Variants in LAMB1 observed in about 807,000 individuals in gnomAD.
LAMB1 encodes the protein laminin subunit beta-1.
In LAMB1, 121 loss-of-function variants were observed where a neutral mutation model predicts 222.3. That is an observed-to-expected ratio of 0.54 (90% CI 0.47 to 0.63). The LOEUF is 0.63. Ranked by LOEUF, LAMB1 falls within the 30% of genes least tolerant of loss-of-function variation. The probability of loss-of-function intolerance (pLI) is 0.00; values close to 1 mark genes in which losing one functional copy is unlikely to be tolerated. For synonymous variants in LAMB1, 794 were observed against 807.2 expected (o/e 0.98, Z 0.28); for missense variants, 2,172 against 2,240.8 (o/e 0.97, Z 0.62).
At position 107,986,032 on chromosome 7, in the gene LAMB1, T is replaced by G. The variant is rs2034070069; in HGVS notation, c.666A>C (p.Pro222=). ...TGAAAATGAACTTACTCTGTATCCT[T>G]GGGCTATAAGGATCTTCTATTTTGA... is the stretch of plus-strand genomic sequence containing the variant. ...PAFKIEDPYS[P]RIQNLLKITN... Residue 222 remains proline, a synonymous_variant, in exon 7 of 34, where the codon CCA becomes CCC. Coordinates refer to ENST00000222399, the MANE Select transcript of LAMB1 (RefSeq NM_002291.3). 6.2e-7 allele frequency: 1 copy of G among 1,607,692 alleles called. No homozygotes were observed. Among genetic ancestry groups the G allele is most frequent in the Non-Finnish European group, 8.5e-7 (1 of 1,174,150 alleles).
chr7:107,978,445 TACTTAA>T (rs1402143595), intron 8 of LAMB1, among the ~76,000 whole-genome samples: 1 of 145,006 alleles, frequency 6.9e-6, no homozygotes, highest in East Asian at 2.0e-4. Flanking sequence ...TGAAGAAAAT[TACTTAA>T]AATTAAAAAA....
intron 7 of LAMB1, among the ~76,000 whole-genome samples, chr7:107,984,864 A>G (rs2034043306): frequency 6.6e-6 from 1 of 152,130 alleles, no homozygotes; most frequent in Non-Finnish European, 1.5e-5. Context: ...TATGGGATAT[A>G]GTTATGCTAA....
intron 31 of LAMB1, among the ~76,000 whole-genome samples, chr7:107,927,095 G>T (rs569719332): frequency 6.6e-6 from 1 of 152,250 alleles, no homozygotes; most frequent in East Asian, 1.9e-4. Context: ...TCAAGGATGG[G>T]TCTAATTACA....
At chr7:108,001,513 G>A in intron 3 of LAMB1, 45 bp downstream of exon 3, 1 of 1,531,118 alleles carries the variant, frequency 6.5e-7, no homozygotes, top group Non-Finnish European at 8.8e-7. Context: ...GGTCTGGACG[G>A]GAGGAGGCGC....
intron 4 of LAMB1, among the ~76,000 whole-genome samples, chr7:107,996,985 A>AT (rs1174296406): frequency 6.6e-6 from 1 of 152,232 alleles, no homozygotes; most frequent in East Asian, 1.9e-4. Flanking sequence ...ATCAACCAAA[A>AT]TATGCCCCCG....
chr7:107,950,229 CA>C (rs1018834829), intron 24 of LAMB1, among the ~76,000 whole-genome samples: 98 of 125,728 alleles, frequency 7.8e-4, no homozygotes, highest in Non-Finnish European at 6.0e-4. Flanking sequence ...GACTCCGTCT[CA>C]AAAAAAAAAA....
At chr7:107,959,129 G>C (rs1437873947) in intron 20 of LAMB1, 120 bp downstream of exon 20, 5 of 764,572 alleles carry the variant, frequency 6.5e-6, no homozygotes, top group East Asian at 4.9e-5. Flanking sequence ...AAAATAGTGA[G>C]GTGGTCAGAA....
intron 25 of LAMB1, among the ~76,000 whole-genome samples, chr7:107,938,591 T>TG (rs1356272744): frequency 2.0e-5 from 3 of 152,188 alleles, no homozygotes; most frequent in Non-Finnish European, 2.9e-5. Context: ...AGAGCTGTTT[T>TG]GGGAATGTAA....
Position 107,959,499 on chromosome 7 carries a change from A to G in LAMB1, c.2459-19T>C. ...TCACAAGCTAAAGAAACAGGCAAAC[A>G]AGGAACTGCCTTGAGAAACTCATTC... On this transcript the variant is annotated intron_variant, in intron 19 of 33. Transcript: ENST00000222399. The G allele has an allele frequency of 6.2e-7, 1 of 1,613,438 alleles. No homozygotes were observed. The highest frequency in any genetic ancestry group is 8.5e-7 in the Non-Finnish European group (1 of 1,179,614).
intron 24 of LAMB1, among the ~76,000 whole-genome samples, chr7:107,949,411 G>A (rs894741114): frequency 6.6e-6 from 1 of 152,166 alleles, no homozygotes; most frequent in African/African-American, 2.4e-5. Context: ...CAGGGTATGT[G>A]CAACGATAGA....
In LAMB1 at chr7:107,978,172, A is replaced by G. The variant is rs1216065133; in HGVS notation, c.880-5T>C. 9.9e-6 allele frequency: 16 copies of G among 1,613,434 alleles called. No individual in the cohort carries two copies. Among genetic ancestry groups the G allele is most frequent in the Non-Finnish European group, 1.4e-5 (16 of 1,179,702 alleles). On this transcript the variant is annotated splice_polypyrimidine_tract_variant and splice_region_variant and intron_variant, in intron 8 of 33. Coordinates refer to ENST00000222399, the MANE Select transcript of LAMB1 (RefSeq NM_002291.3). Reference sequence around the variant, plus strand: ...GCACATGCAGTGTCCGTGAACCTTGAAAGTTATAAAAACAGGAGAGAACAA... The same window carrying G: ...GCACATGCAGTGTCCGTGAACCTTGGAAGTTATAAAAACAGGAGAGAACAA...
At chr7:107,985,178 T>G (rs1346279211) in intron 7 of LAMB1, among the ~76,000 whole-genome samples, 1 of 152,230 alleles carries the variant, frequency 6.6e-6, no homozygotes, top group Non-Finnish European at 1.5e-5. Context: ...CAGATGTAAA[T>G]GTATTCCCTA....
Position 107,963,077 on chromosome 7 carries a change from A to G in LAMB1, c.1699-14T>C, listed in dbSNP as rs2150430078. ...TATGCTAACCCCCTGAGGGCATGGC[A>G]AACAATGGTTATTCTGTATTTGAAA... On this transcript the variant is annotated splice_polypyrimidine_tract_variant and intron_variant, in intron 14 of 33. Coordinates refer to ENST00000222399, the MANE Select transcript of LAMB1 (RefSeq NM_002291.3). 6.3e-7 allele frequency: 1 copy of G among 1,588,482 alleles called. No individual in the cohort carries two copies. The highest frequency in any genetic ancestry group is 8.6e-7 in the Non-Finnish European group (1 of 1,165,934).
At chr7:107,981,445 TAAAA>T (rs11304647) in intron 7 of LAMB1, among the ~76,000 whole-genome samples, 1 of 141,236 alleles carries the variant, frequency 7.1e-6, no homozygotes, top group Non-Finnish European at 1.5e-5. Flanking sequence ...CAAAACTGTT[TAAAA>T]AAAAAAAAAA....
intron 5 of LAMB1, among the ~76,000 whole-genome samples, chr7:107,993,159 G>A (rs1488174098): frequency 1.3e-5 from 2 of 151,946 alleles, no homozygotes; most frequent in Non-Finnish European, 2.9e-5. Flanking sequence ...CTCGAGACAG[G>A]GTCTCACCCT....
chr7:107,971,651 A>G (rs540063878), intron 13 of LAMB1, among the ~76,000 whole-genome samples: 23 of 152,352 alleles, frequency 1.5e-4, no homozygotes, highest in African/African-American at 5.0e-4. Flanking sequence ...TACCTGCTTT[A>G]AAAATCTTTA....
chr7:107,956,089 G>A (rs2033370322), intron 20 of LAMB1, among the ~76,000 whole-genome samples: 1 of 152,170 alleles, frequency 6.6e-6, no homozygotes, highest in African/African-American at 2.4e-5. Context: ...TAGAGACAGG[G>A]TTTCACCATG....
chr7:107,998,584 A>G (rs2034323954), intron 3 of LAMB1, 92 bp from the exon 4 acceptor site: 3 of 1,082,990 alleles, frequency 2.8e-6, no homozygotes, highest in Admixed American at 2.3e-5. Context: ...TAATACAAAA[A>G]TCAACCTATT....
intron 13 of LAMB1, 26 bp from the exon 14 acceptor site, chr7:107,964,713 G>A (rs1164418891): frequency 8.1e-6 from 13 of 1,613,376 alleles, no homozygotes; most frequent in African/African-American, 1.3e-5. Context: ...AGCCACATCA[G>A]CTGAGTTCAT....
Sources: allele counts gnomAD v4.1 joint callset (sites outside exome capture counted in the v4.1 genomes callset), GRCh38; gene constraint gnomAD v4.1.1; transcripts MANE v1.5; gene names NCBI Gene and HGNC (gene_info 2026-07-23, HGNC 2026-07-21).